The following NTRK3 variants were observed in gnomAD, a reference collection of about 807,000 sequenced individuals.
NTRK3 encodes the protein neurotrophic receptor tyrosine kinase 3.
Under a neutral mutation model 91.7 loss-of-function variants are expected in NTRK3, and 24 were observed. The ratio of observed to expected loss-of-function variants is 0.26; its 90% CI spans 0.19 to 0.37. The LOEUF (loss-of-function observed/expected upper bound fraction) is 0.37. Among genes scored for constraint, NTRK3 ranks in the 10% least tolerant of loss-of-function variants. The pLI, the probability that NTRK3 is intolerant of heterozygous loss-of-function variation, is 1.00. For synonymous variants in NTRK3, 483 were observed against 404.0 expected (o/e 1.20, Z -2.34); for missense variants, 880 against 1,068.9 (o/e 0.82, Z 2.46).
intron 16 of NTRK3, among the ~76,000 whole-genome samples, chr15:87,931,682 C>G (rs1180707531): frequency 6.6e-6 from 1 of 152,144 alleles, no homozygotes; most frequent in African/African-American, 2.4e-5. Context: ...TTAGAACATC[C>G]CACAGATGCT....
At chr15:88,073,718 A>T (rs1420528419) in intron 13 of NTRK3, among the ~76,000 whole-genome samples, 1 of 152,134 alleles carries the variant, frequency 6.6e-6, no homozygotes, top group African/African-American at 2.4e-5. Flanking sequence ...AAGAGAGAAG[A>T]AGGCAAGAGA....
intron 14 of NTRK3, among the ~76,000 whole-genome samples, chr15:88,015,334 C>G (rs1183063743): frequency 6.6e-6 from 1 of 152,114 alleles, no homozygotes; most frequent in East Asian, 1.9e-4. Flanking sequence ...ATCAACAAGA[C>G]CTGCTCCCTC....
At chr15:88,089,988 G>A (rs910035889) in intron 13 of NTRK3, among the ~76,000 whole-genome samples, 2 of 152,162 alleles carry the variant, frequency 1.3e-5, no homozygotes, top group Non-Finnish European at 2.9e-5. Context: ...CTGTCCTCCA[G>A]GCTGCTCTTT....
intron 14 of NTRK3, among the ~76,000 whole-genome samples, chr15:87,953,942 G>A (rs536591750): frequency 4.0e-5 from 6 of 151,434 alleles, no homozygotes; most frequent in African/African-American, 7.3e-5. Context: ...GCGGGTTATC[G>A]ACCTCCATTG....
intron 3 of NTRK3, among the ~76,000 whole-genome samples, chr15:88,187,769 A>T (rs1358566610): frequency 6.6e-6 from 1 of 152,020 alleles, no homozygotes; most frequent in Non-Finnish European, 1.5e-5. Flanking sequence ...CCCTGTCTCT[A>T]CTAAAAATAC....
At chr15:88,071,572 T>A (rs1224332392) in intron 13 of NTRK3, among the ~76,000 whole-genome samples, 1 of 152,254 alleles carries the variant, frequency 6.6e-6, no homozygotes, top group East Asian at 1.9e-4. Context: ...GCACCTATTA[T>A]GGTTAGGCAG....
intron 5 of NTRK3, among the ~76,000 whole-genome samples, chr15:88,176,133 C>CTT (rs1167029194): frequency 3.5e-5 from 4 of 115,642 alleles, no homozygotes; most frequent in African/African-American, 1.2e-4. Flanking sequence ...CTATATGCCC[C>CTT]TTCTTTTTTT....
At chr15:88,115,921 G>A (rs1437008844) in intron 13 of NTRK3, among the ~76,000 whole-genome samples, 1 of 152,096 alleles carries the variant, frequency 6.6e-6, no homozygotes, top group Non-Finnish European at 1.5e-5. Flanking sequence ...AGCTTTTCCG[G>A]TTTTTTATAG....
At chr15:88,031,458 G>A (rs1441232590) in intron 14 of NTRK3, among the ~76,000 whole-genome samples, 1 of 152,204 alleles carries the variant, frequency 6.6e-6, no homozygotes, top group Non-Finnish European at 1.5e-5. Context: ...AGCCTGATCT[G>A]AGACAGGAAA....
intron 5 of NTRK3, among the ~76,000 whole-genome samples, chr15:88,147,788 A>C (rs1320346660): frequency 6.6e-6 from 1 of 152,130 alleles, no homozygotes; most frequent in Non-Finnish European, 1.5e-5. Context: ...TAGCATTCTT[A>C]ACACGCACAC....
chr15:87,868,481 G>T (rs1224470414), exon 19 of NTRK3: 1 of 218,982 alleles, frequency 4.6e-6, no homozygotes, highest in Non-Finnish European at 9.2e-6. Flanking sequence ...AATTTCAAAG[G>T]GAATTAGAAT....
At chr15:88,158,457 C>T (rs1442849892) in intron 5 of NTRK3, among the ~76,000 whole-genome samples, 2 of 152,176 alleles carry the variant, frequency 1.3e-5, no homozygotes, top group African/African-American at 4.8e-5. Context: ...CTAGCAGATG[C>T]CTGGGCAGGG....
At chr15:88,220,388 G>A (rs1479624589) in intron 3 of NTRK3, among the ~76,000 whole-genome samples, 1 of 152,144 alleles carries the variant, frequency 6.6e-6, no homozygotes, top group Non-Finnish European at 1.5e-5. Flanking sequence ...AGACCTGTGG[G>A]TCAGCCCCCA....
intron 13 of NTRK3, among the ~76,000 whole-genome samples, chr15:88,062,324 C>G (rs145339995): frequency 9.1e-4 from 139 of 152,346 alleles, no homozygotes; most frequent in African/African-American, 3.2e-3. Flanking sequence ...CAGTTTCTGG[C>G]ATTGACTAGC....
chr15:88,154,021 GAA>G (rs1054478174), intron 5 of NTRK3, among the ~76,000 whole-genome samples: 43 of 140,374 alleles, frequency 3.1e-4, no homozygotes, highest in African/African-American at 1.1e-3. Flanking sequence ...GAATCTGCAA[GAA>G]AAGAGTGCTG....
chr15:88,007,242 C>T (rs495919), intron 14 of NTRK3, among the ~76,000 whole-genome samples: 6 of 152,166 alleles, frequency 3.9e-5, no homozygotes, highest in Non-Finnish European at 8.8e-5. Flanking sequence ...GGAAGCAAGG[C>T]TTAAAGAACT....
rs145575406 is a variant in NTRK3 at position 88,145,183 on chromosome 15, C to T, written c.464+2152G>A. Among the ~76,000 whole-genome samples the T allele has an allele frequency of 5.8e-3, 880 of 152,298 alleles. 11 individuals carry two copies. Among genetic ancestry groups the T allele is most frequent in the African/African-American group, 0.02 (842 of 41,562 alleles). On this transcript the variant is annotated intron_variant, in intron 6 of 18. Coordinates refer to ENST00000394480, the Ensembl canonical transcript of NTRK3. Reference sequence around the variant, plus strand: ...GAAGTCAGACAAGAAAATACTACCCCCTCTTCCATTTGCCAGGAACTGGGA... The same window carrying T: ...GAAGTCAGACAAGAAAATACTACCCTCTCTTCCATTTGCCAGGAACTGGGA...
intron 15 of NTRK3, among the ~76,000 whole-genome samples, chr15:87,934,416 T>C (rs1389786441): frequency 6.6e-6 from 1 of 152,216 alleles, no homozygotes; most frequent in Non-Finnish European, 1.5e-5. Flanking sequence ...TTCTCTCTGC[T>C]AGGCATCTGG....
intron 14 of NTRK3, among the ~76,000 whole-genome samples, chr15:88,015,471 T>C (rs559245381): frequency 6.6e-6 from 1 of 152,094 alleles, no homozygotes; most frequent in South Asian, 2.1e-4. Context: ...TCTCTGCCAG[T>C]CCAAGTTTCC....
Sources: gnomAD v4.1 joint callset for allele counts (sites outside exome capture counted in the v4.1 genomes callset) on GRCh38, gnomAD v4.1.1 for gene constraint, MANE v1.5 for transcripts, NCBI Gene and HGNC (gene_info 2026-07-23, HGNC 2026-07-21) for gene names.